The following SLC41A2 variants were observed in gnomAD, a reference collection of about 807,000 sequenced individuals.
SLC41A2 encodes the protein solute carrier family 41 member 2.
A neutral mutation model predicts 58.3 loss-of-function variants in SLC41A2; 32 were observed. That is an observed-to-expected ratio of 0.55 (90% confidence interval 0.41 to 0.74). SLC41A2 has a LOEUF of 0.74. Ranked by LOEUF, SLC41A2 falls within the 30% of genes least tolerant of loss-of-function variation. The probability of loss-of-function intolerance (pLI) is 0.00; values close to 1 mark genes in which losing one functional copy is unlikely to be tolerated. For missense variants in SLC41A2, 514 were observed against 680.6 expected, an observed-to-expected ratio of 0.76 and a Z score of 2.72; for synonymous variants, 190 against 235.0, an observed-to-expected ratio of 0.81 and a Z score of 1.75.
rs1356284100 is a variant in SLC41A2, at chr12:104,802,821, TGGCTTCCTCTCAGTGAATTA to T, written c.*2311_*2330del. ...CTTTTAAAAATCCTATTTTTGCAGT[TGGCTTCCTCTCAGTGAATTA>T]GTTAGGTAGTTTTGGTACATTTGGA... is the stretch of plus-strand genomic sequence containing the variant. On this transcript the variant is annotated 3_prime_UTR_variant, in exon 11 of 11. Transcript: ENST00000258538. 6.6e-6 allele frequency: 1 copy of T among 152,160 alleles called. No individual in the cohort carries two copies. The highest frequency in any genetic ancestry group is 6.6e-5 in the Admixed American group (1 of 15,256). The allele number at this position is 152,160 out of a possible 1,614,324, so 9.4% of individuals were successfully genotyped here. A position where few individuals can be genotyped will look rare whatever the true frequency, so the allele number is the denominator to read the frequency against.
At chr12:104,810,616 G>A (rs753062249) in intron 10 of SLC41A2, among the ~76,000 whole-genome samples, 22 of 152,086 alleles carry the variant, frequency 1.4e-4, no homozygotes, top group Admixed American at 3.9e-4. Flanking sequence ...TTATTGGAAC[G>A]CAACTCAACC....
At chr12:104,880,497 C>T (rs1422773803) in intron 6 of SLC41A2, among the ~76,000 whole-genome samples, 1 of 152,060 alleles carries the variant, frequency 6.6e-6, no homozygotes, top group Non-Finnish European at 1.5e-5. Flanking sequence ...CCCATCAATA[C>T]CTAGTTTATT....
intron 1 of SLC41A2, among the ~76,000 whole-genome samples, chr12:104,933,043 T>A (rs1369041738): frequency 1.3e-5 from 2 of 152,022 alleles, no homozygotes; most frequent in Non-Finnish European, 2.9e-5. Flanking sequence ...TGAGACATAA[T>A]TGAATGAAAA....
At chr12:104,954,659 T>C (rs2048079370) in intron 1 of SLC41A2, among the ~76,000 whole-genome samples, 1 of 152,244 alleles carries the variant, frequency 6.6e-6, no homozygotes. Context: ...TTTTGGGTTA[T>C]AAACCCGAAA....
intron 10 of SLC41A2, among the ~76,000 whole-genome samples, chr12:104,814,312 G>A (rs909267804): frequency 5.9e-5 from 9 of 152,078 alleles, no homozygotes; most frequent in Non-Finnish European, 1.0e-4. Flanking sequence ...TTGAGTCCAG[G>A]AGGCAGAGCT....
At chr12:104,910,219 G>A (rs1234641808) in intron 2 of SLC41A2, among the ~76,000 whole-genome samples, 1 of 152,188 alleles carries the variant, frequency 6.6e-6, no homozygotes, top group African/African-American at 2.4e-5. Context: ...GACTCAGAGA[G>A]ATTAAATTAT....
intron 3 of SLC41A2, among the ~76,000 whole-genome samples, chr12:104,903,607 T>C (rs2045665639): frequency 6.6e-6 from 1 of 152,238 alleles, no homozygotes. Context: ...GAGCACACTT[T>C]GAGAACTACT....
rs577773206 is a variant in SLC41A2 at position 104,914,582 on chromosome 12, T to C, written c.556-4820A>G. Among the ~76,000 whole-genome samples the C allele has an allele frequency of 2.6e-5, 4 of 152,316 alleles. No homozygotes were observed. In the East Asian group the frequency reaches 7.7e-4, roughly 29 times the overall value. On this transcript the variant is annotated intron_variant, in intron 2 of 10. Coordinates refer to ENST00000258538, the MANE Select transcript of SLC41A2 (RefSeq NM_001352171.3). ...TGCATCCAGGAGACATCATTGTGTT[T>C]CCCTCAAAAACTTAAAATATCCCAC...
At chr12:104,854,641 CAA>C (rs1593002382) in intron 8 of SLC41A2, among the ~76,000 whole-genome samples, 2 of 151,756 alleles carry the variant, frequency 1.3e-5, no homozygotes, top group Non-Finnish European at 2.9e-5. Context: ...ACAGCTGTGT[CAA>C]GATACTATCC....
chr12:104,834,043 T>A, intron 10 of SLC41A2: 2 of 985,402 alleles, frequency 2.0e-6, no homozygotes, highest in Non-Finnish European at 2.4e-6. Flanking sequence ...TACCTTCACC[T>A]TTATCAGGCT....
chr12:104,937,076 C>A (rs1276597260), intron 1 of SLC41A2, among the ~76,000 whole-genome samples: 1 of 152,076 alleles, frequency 6.6e-6, no homozygotes, highest in Non-Finnish European at 1.5e-5. Context: ...GTGCACTGCA[C>A]CCCAGTGGAT....
At chr12:104,891,658 A>G (rs2135681089) in intron 4 of SLC41A2, among the ~76,000 whole-genome samples, 1 of 151,936 alleles carries the variant, frequency 6.6e-6, no homozygotes, top group East Asian at 1.9e-4. Flanking sequence ...GACTTTCACC[A>G]CTGTTTTTTT....
intron 6 of SLC41A2, among the ~76,000 whole-genome samples, chr12:104,881,623 G>A (rs897129502): frequency 5.9e-5 from 9 of 152,078 alleles, no homozygotes; most frequent in South Asian, 2.1e-4. Context: ...GTAGTTGTGC[G>A]GTTTTGAGTG....
chr12:104,807,558 G>C (rs1287469266), intron 10 of SLC41A2, among the ~76,000 whole-genome samples: 2 of 152,038 alleles, frequency 1.3e-5, no homozygotes, highest in Non-Finnish European at 2.9e-5. Context: ...GCTCTTTTTT[G>C]GTTCCATATG....
rs2040823511 is a variant in SLC41A2, at chr12:104,804,502, T to G, written c.*650A>C. 1 of 152,194 alleles carries G rather than the reference T, an allele frequency of 6.6e-6. No individual in the cohort carries two copies. Among genetic ancestry groups the G allele is most frequent in the Admixed American group, 6.5e-5 (1 of 15,268 alleles). 9.4% of individuals were successfully genotyped at this position (152,194 alleles called of 1,614,324 possible). On this transcript the variant is annotated 3_prime_UTR_variant, in exon 11 of 11. Transcript: ENST00000258538. ...TGACTCACTGCTTTCATTAACAATCTCTCAAGATCACTCAATGTTTAAAGA... is the reference window on the plus strand; with the variant it reads ...TGACTCACTGCTTTCATTAACAATCGCTCAAGATCACTCAATGTTTAAAGA...
At chr12:104,883,051 TGCTTC>T (rs1159980483) in intron 6 of SLC41A2, among the ~76,000 whole-genome samples, 1 of 152,192 alleles carries the variant, frequency 6.6e-6, no homozygotes, top group Non-Finnish European at 1.5e-5. Flanking sequence ...CTTCTCTTCT[TGCTTC>T]ATTTCATTCA....
intron 6 of SLC41A2, among the ~76,000 whole-genome samples, chr12:104,873,570 T>C (rs537192807): frequency 6.6e-4 from 101 of 152,236 alleles, no homozygotes; most frequent in Non-Finnish European, 1.6e-4. Context: ...AGTCATGCAG[T>C]CATTCTATTT....
intron 3 of SLC41A2, among the ~76,000 whole-genome samples, chr12:104,908,877 TA>T (rs1318193860): frequency 3.3e-5 from 5 of 152,070 alleles, no homozygotes; most frequent in African/African-American, 1.2e-4. Context: ...GAACAGGCCC[TA>T]AAAAAATAAG....
At chr12:104,887,700 T>G (rs1424063694) in intron 5 of SLC41A2, among the ~76,000 whole-genome samples, 1 of 151,996 alleles carries the variant, frequency 6.6e-6, no homozygotes, top group Admixed American at 6.6e-5. Flanking sequence ...TCTTTTCAAC[T>G]GAAAACAAAT....
Sources: gnomAD v4.1 joint callset for allele counts (sites outside exome capture counted in the v4.1 genomes callset) on GRCh38, gnomAD v4.1.1 for gene constraint, MANE v1.5 for transcripts, NCBI Gene and HGNC (gene_info 2026-07-23, HGNC 2026-07-21) for gene names.